The following ADCY2 variants were observed in gnomAD, a reference collection of about 807,000 sequenced individuals.
ADCY2 encodes adenylate cyclase type 2.
Under a neutral mutation model 125.2 loss-of-function variants are expected in ADCY2, and 31 were observed. That is an observed-to-expected ratio of 0.25 (90% CI 0.19 to 0.33). The LOEUF is 0.33. Among genes scored for constraint, ADCY2 ranks in the 10% least tolerant of loss-of-function variants. The pLI, the probability that ADCY2 is intolerant of heterozygous loss-of-function variation, is 1.00. For synonymous variants in ADCY2, 512 were observed against 548.4 expected (o/e 0.93, Z 0.93); for missense variants, 904 against 1,418.2 (o/e 0.64, Z 5.82).
chr5:7,738,697 G>A (rs1742322218), intron 14 of ADCY2, among the ~76,000 whole-genome samples: 1 of 151,974 alleles, frequency 6.6e-6, no homozygotes, highest in Admixed American at 6.6e-5. Flanking sequence ...CGTATCTGAT[G>A]TAAACAATAA....
intron 14 of ADCY2, among the ~76,000 whole-genome samples, chr5:7,732,857 C>G (rs1742145639): frequency 6.6e-6 from 1 of 152,142 alleles, no homozygotes; most frequent in Non-Finnish European, 1.5e-5. Flanking sequence ...CTTATTCAGC[C>G]TATAATCATT....
chr5:7,588,075 G>GA (rs1317559934), intron 3 of ADCY2, among the ~76,000 whole-genome samples: 2 of 152,098 alleles, frequency 1.3e-5, no homozygotes, highest in South Asian at 2.1e-4. Flanking sequence ...GTTGATACCA[G>GA]AAAAACCCAA....
intron 17 of ADCY2, 74 bp from the exon 18 acceptor site, chr5:7,772,858 C>G: frequency 1.4e-6 from 2 of 1,437,558 alleles, no homozygotes; most frequent in Non-Finnish European, 1.9e-6. Flanking sequence ...GGGCGGTGGT[C>G]CCCTGATTGT....
intron 23 of ADCY2, among the ~76,000 whole-genome samples, chr5:7,819,164 G>A (rs915774506): frequency 1.3e-5 from 2 of 152,178 alleles, no homozygotes; most frequent in Non-Finnish European, 2.9e-5. Flanking sequence ...CAGCTGATCA[G>A]ATGGTGCCCA....
intron 15 of ADCY2, among the ~76,000 whole-genome samples, 157 bp downstream of exon 15, chr5:7,743,909 C>T (rs73045465): frequency 0.044 from 6,744 of 152,218 alleles, 497 homozygotes; most frequent in African/African-American, 0.15. Flanking sequence ...GGTCTATAAC[C>T]AGGAATATAG....
intron 3 of ADCY2, among the ~76,000 whole-genome samples, chr5:7,541,922 G>C (rs1203117789): frequency 1.3e-5 from 2 of 152,174 alleles, no homozygotes; most frequent in Non-Finnish European, 2.9e-5. Flanking sequence ...CTATTTCCAC[G>C]AAATGGATGG....
At chr5:7,409,067 A>G (rs59988200) in intron 1 of ADCY2, among the ~76,000 whole-genome samples, 2 of 152,208 alleles carry the variant, frequency 1.3e-5, no homozygotes, top group Non-Finnish European at 2.9e-5. Context: ...CAACAAGATC[A>G]TGTCCATTGC....
intron 15 of ADCY2, among the ~76,000 whole-genome samples, chr5:7,745,035 C>T (rs1263487818): frequency 1.3e-5 from 2 of 152,166 alleles, no homozygotes; most frequent in East Asian, 1.9e-4. Flanking sequence ...TTTTCTCATT[C>T]TGCATGCGTT....
chr5:7,598,966 G>A (rs1737105639), intron 3 of ADCY2, among the ~76,000 whole-genome samples: 1 of 152,252 alleles, frequency 6.6e-6, no homozygotes, highest in Non-Finnish European at 1.5e-5. Flanking sequence ...AGATCTGGGA[G>A]CTGCTCATTG....
chr5:7,515,663 G>C (rs1015355369), intron 2 of ADCY2, among the ~76,000 whole-genome samples: 6 of 152,194 alleles, frequency 3.9e-5, no homozygotes, highest in Non-Finnish European at 7.3e-5. Flanking sequence ...GATGCATTTG[G>C]TGAGTAGATG....
chr5:7,598,909 A>G (rs947712126), intron 3 of ADCY2, among the ~76,000 whole-genome samples: 4 of 152,222 alleles, frequency 2.6e-5, no homozygotes, highest in Admixed American at 6.5e-5. Context: ...TCCATGGTGG[A>G]CTTCAGAGTT....
chr5:7,818,362 T>C (rs1219404828), intron 23 of ADCY2, among the ~76,000 whole-genome samples: 1 of 151,310 alleles, frequency 6.6e-6, no homozygotes, highest in African/African-American at 2.4e-5. Context: ...TCTTTTTTTT[T>C]TTTTTCTTTT....
chr5:7,711,436 G>A (rs1379129238), intron 10 of ADCY2, among the ~76,000 whole-genome samples: 1 of 152,196 alleles, frequency 6.6e-6, no homozygotes, highest in Non-Finnish European at 1.5e-5. Context: ...TGGTTGGTTG[G>A]TTGGTTTTTA....
At chr5:7,636,062 C>T (rs1738492117) in intron 4 of ADCY2, among the ~76,000 whole-genome samples, 1 of 152,088 alleles carries the variant, frequency 6.6e-6, no homozygotes, top group African/African-American at 2.4e-5. Context: ...TCTCATCTGA[C>T]CTGTGTCTAG....
intron 11 of ADCY2, among the ~76,000 whole-genome samples, chr5:7,716,121 A>G (rs1009784693): frequency 1.3e-5 from 2 of 152,202 alleles, no homozygotes; most frequent in Middle Eastern, 3.2e-3. Flanking sequence ...ACTATTTGGC[A>G]CAATTTATTC....
intron 3 of ADCY2, among the ~76,000 whole-genome samples, chr5:7,607,179 A>T (rs915352948): frequency 2.2e-4 from 34 of 152,186 alleles, no homozygotes; most frequent in African/African-American, 7.2e-4. Flanking sequence ...CTCCTGATGT[A>T]GTGGAAGGAT....
At chr5:7,773,226 T>A in intron 18 of ADCY2, 125 bp downstream of exon 18, 1 of 1,052,624 alleles carries the variant, frequency 9.5e-7, no homozygotes, top group Non-Finnish European at 1.4e-6. Context: ...TGAGAGAATT[T>A]CTTTGAAGTG....
At chr5:7,630,603 T>G (rs767760068) in intron 4 of ADCY2, among the ~76,000 whole-genome samples, 5 of 152,160 alleles carry the variant, frequency 3.3e-5, no homozygotes, top group Non-Finnish European at 5.9e-5. Context: ...CTCACTGAGC[T>G]AAAGTCAAGA....
In ADCY2 at chr5:7,488,042, T is replaced by C. The variant is rs1045887045; in HGVS notation, c.409-32696T>C. Among the ~76,000 whole-genome samples, 59 of 152,174 alleles carry C rather than the reference T, an allele frequency of 3.9e-4. 1 individual carries two copies. Among genetic ancestry groups the C allele is most frequent in the African/African-American group, 1.4e-3 (58 of 41,432 alleles). Reference sequence around the variant, plus strand: ...TGATATTAATCATAAAAGTTAAAAGTAACCAAGTGGTCTTGTGGTATGGTT... The same window carrying C: ...TGATATTAATCATAAAAGTTAAAAGCAACCAAGTGGTCTTGTGGTATGGTT... On this transcript the variant is annotated intron_variant, in intron 2 of 24. Coordinates refer to ENST00000338316, the MANE Select transcript of ADCY2 (RefSeq NM_020546.3).
Sources: allele counts gnomAD v4.1 joint callset (sites outside exome capture counted in the v4.1 genomes callset), GRCh38; gene constraint gnomAD v4.1.1; transcripts MANE v1.5; gene names NCBI Gene and HGNC (gene_info 2026-07-23, HGNC 2026-07-21).